Variants in RIMS1 observed in about 807,000 individuals in gnomAD.
The protein encoded by RIMS1 is regulating synaptic membrane exocytosis 1.
In RIMS1, 83 loss-of-function variants were observed where a neutral mutation model predicts 214.1. That is an observed-to-expected ratio of 0.39 (90% confidence interval 0.32 to 0.47). The LOEUF (loss-of-function observed/expected upper bound fraction) is 0.47, where lower values mean the gene tolerates loss of function less well. Ranked by LOEUF, RIMS1 falls within the 20% of genes least tolerant of loss-of-function variation. The probability of loss-of-function intolerance (pLI) is 0.99; values close to 1 mark genes in which losing one functional copy is unlikely to be tolerated. For missense variants in RIMS1, 2,050 were observed against 2,161.8 expected, an observed-to-expected ratio of 0.95 and a Z score of 1.03; for synonymous variants, 793 against 786.8, an observed-to-expected ratio of 1.01 and a Z score of -0.13.
chr6:71,959,120 G>C (rs537080418), intron 1 of RIMS1, among the ~76,000 whole-genome samples: 4 of 151,998 alleles, frequency 2.6e-5, no homozygotes, highest in African/African-American at 7.2e-5. Flanking sequence ...GAAAATGAAA[G>C]GTGTATATTT....
intron 6 of RIMS1, among the ~76,000 whole-genome samples, chr6:72,205,309 T>C (rs72937865): frequency 0.18 from 27,018 of 151,956 alleles, 3,013 homozygotes; most frequent in Non-Finnish European, 0.25. Flanking sequence ...ATAATAATAG[T>C]GAAACACAAA....
chr6:72,270,461 A>G (rs1279012316), intron 22 of RIMS1, among the ~76,000 whole-genome samples: 1 of 152,096 alleles, frequency 6.6e-6, no homozygotes, highest in African/African-American at 2.4e-5. Flanking sequence ...TACTTGGTAA[A>G]TCGTTCATTT....
At chr6:72,193,890 G>A (rs2050452649) in intron 6 of RIMS1, among the ~76,000 whole-genome samples, 1 of 152,056 alleles carries the variant, frequency 6.6e-6, no homozygotes, top group Non-Finnish European at 1.5e-5. Context: ...TGTATGTTAT[G>A]AGCCCCAATA....
At chr6:71,968,890 T>G in intron 1 of RIMS1, 93 bp from the exon 2 acceptor site, 1 of 1,270,684 alleles carries the variant, frequency 7.9e-7, no homozygotes, top group Admixed American at 1.7e-5. Context: ...AGACTTTCCC[T>G]TAGAGTGTTT....
chr6:72,183,159 C>G lies in RIMS1; in HGVS notation c.1678+10C>G. On this transcript the variant is annotated intron_variant, in intron 6 of 33. Transcript: ENST00000521978. Reference sequence around the variant, plus strand: ...AGCGTCAGCGAGAAAGGTAAGGGGGCGGCGCCGGCCGTGCGGGGACTTCAG... The same window carrying G: ...AGCGTCAGCGAGAAAGGTAAGGGGGGGGCGCCGGCCGTGCGGGGACTTCAG... 6.3e-7 allele frequency: 1 copy of G among 1,585,610 alleles called. No individual in the cohort carries two copies. Among genetic ancestry groups the G allele is most frequent in the Non-Finnish European group, 8.6e-7 (1 of 1,167,916 alleles).
At chr6:72,007,873 A>C (rs923627004) in intron 2 of RIMS1, among the ~76,000 whole-genome samples, 2 of 152,198 alleles carry the variant, frequency 1.3e-5, no homozygotes, top group African/African-American at 2.4e-5. Context: ...TGACGGGGAG[A>C]ATGGAACCAA....
Position 72,290,854 on chromosome 6 carries a change from C to G in RIMS1, c.3730C>G (p.Leu1244Val), listed in dbSNP as rs755561621. The change falls in exon 25 of 34, where the codon CTG (leucine) becomes GTG (valine). Residue 1244 changes from leucine (L) to valine (V), a missense_variant. Physicochemically the swap from Leu to Val is conservative, Grantham distance 32. Coordinates refer to ENST00000521978, the MANE Select transcript of RIMS1 (RefSeq NM_014989.7). ...AGGGTCGGCGCCACCTTCTCCGCTT[C>G]TGACAAGGTCGCTATTCAGTGTCCC... Reference protein sequence around the residue: ...PGGSAPPSPLLTRMHRQRSPT... With the variant: ...PGGSAPPSPLVTRMHRQRSPT... The G allele has an allele frequency of 2.5e-5, 40 of 1,612,034 alleles. No individual in the cohort carries two copies. Among genetic ancestry groups the G allele is most frequent in the Non-Finnish European group, 2.5e-6 (3 of 1,179,586 alleles).
chr6:72,398,627 T>G (rs531660965), intron 32 of RIMS1, among the ~76,000 whole-genome samples: 2 of 145,388 alleles, frequency 1.4e-5, no homozygotes, highest in African/African-American at 4.9e-5. Context: ...TTTTGCACAC[T>G]TAGAAAGGCA....
chr6:72,157,945 T>C (rs2044664305), intron 4 of RIMS1, among the ~76,000 whole-genome samples: 1 of 140,640 alleles, frequency 7.1e-6, no homozygotes, highest in South Asian at 2.3e-4. Context: ...GCTTAGTATA[T>C]ACTAACATAT....
chr6:72,071,375 G>T (rs2152303134), intron 2 of RIMS1, among the ~76,000 whole-genome samples: 1 of 152,254 alleles, frequency 6.6e-6, no homozygotes, highest in East Asian at 1.9e-4. Flanking sequence ...CTACACTCCA[G>T]CCTGGGTGAC....
intron 4 of RIMS1, among the ~76,000 whole-genome samples, chr6:72,171,008 G>C (rs1012090220): frequency 6.6e-6 from 1 of 151,988 alleles, no homozygotes; most frequent in African/African-American, 2.4e-5. Flanking sequence ...CTGAAGCACA[G>C]AGAGAAGATA....
intron 2 of RIMS1, among the ~76,000 whole-genome samples, chr6:72,001,680 A>C (rs1056483706): frequency 2.6e-5 from 4 of 152,268 alleles, no homozygotes; most frequent in Non-Finnish European, 5.9e-5. Context: ...GACTAATCTA[A>C]TACTGATTTT....
chr6:72,200,595 T>C (rs1311045312), intron 6 of RIMS1, among the ~76,000 whole-genome samples: 7 of 152,168 alleles, frequency 4.6e-5, no homozygotes, highest in Admixed American at 3.3e-4. Flanking sequence ...CCTGACTTTT[T>C]CTGGTCTTAT....
At chr6:72,202,133 C>A (rs2052098082) in intron 6 of RIMS1, among the ~76,000 whole-genome samples, 1 of 152,202 alleles carries the variant, frequency 6.6e-6, no homozygotes, top group South Asian at 2.1e-4. Flanking sequence ...TCCCAAAGGG[C>A]AGATCTAATT....
intron 6 of RIMS1, among the ~76,000 whole-genome samples, chr6:72,207,754 A>AAAAC (rs766881579): frequency 6.6e-6 from 1 of 152,108 alleles, no homozygotes; most frequent in South Asian, 2.1e-4. Flanking sequence ...AAACGTAGGC[A>AAAAC]AAACAAACAA....
At chr6:72,241,394 T>A (rs2066851258) in intron 9 of RIMS1, among the ~76,000 whole-genome samples, 1 of 152,060 alleles carries the variant, frequency 6.6e-6, no homozygotes, top group Admixed American at 6.6e-5. Flanking sequence ...AAGTGAAGAG[T>A]CTAAGGCAGA....
intron 4 of RIMS1, among the ~76,000 whole-genome samples, chr6:72,121,559 C>A (rs956568758): frequency 1.3e-5 from 2 of 151,906 alleles, no homozygotes; most frequent in South Asian, 2.1e-4. Context: ...GGGGCTGTGA[C>A]AATGGGGTTT....
chr6:71,950,792 G>A (rs1025675604), intron 1 of RIMS1, among the ~76,000 whole-genome samples: 1 of 151,992 alleles, frequency 6.6e-6, no homozygotes, highest in East Asian at 1.9e-4. Flanking sequence ...AAGTATTATG[G>A]TCTGATGCAT....
intron 1 of RIMS1, among the ~76,000 whole-genome samples, chr6:71,941,779 T>C (rs6924133): frequency 0.19 from 28,954 of 152,104 alleles, 3,505 homozygotes; most frequent in East Asian, 0.38. Flanking sequence ...GGACATTATC[T>C]TTCAGAACTC....
Sources: gnomAD v4.1 joint callset for allele counts (sites outside exome capture counted in the v4.1 genomes callset) on GRCh38, gnomAD v4.1.1 for gene constraint, MANE v1.5 for transcripts, NCBI Gene and HGNC (gene_info 2026-07-23, HGNC 2026-07-21) for gene names.